Variants in CUBN observed in about 807,000 individuals in gnomAD.
The protein encoded by CUBN is 460 kDa receptor.
CUBN carries 282 observed loss-of-function variants against 405.3 expected under a neutral mutation model. The observed-to-expected ratio is 0.70, with a 90% CI of 0.63 to 0.77. The LOEUF (loss-of-function observed/expected upper bound fraction) is 0.77. Among genes scored for constraint, CUBN ranks in the 30% least tolerant of loss-of-function variants. The pLI, the probability that CUBN is intolerant of heterozygous loss-of-function variation, is 0.00. For synonymous variants in CUBN, 1,684 were observed against 1,617.0 expected (o/e 1.04, Z -0.99); for missense variants, 4,514 against 4,475.2 (o/e 1.01, Z -0.25).
intron 58 of CUBN, among the ~76,000 whole-genome samples, chr10:16,871,324 G>A (rs1840346820): frequency 6.6e-6 from 1 of 151,434 alleles, no homozygotes; most frequent in Non-Finnish European, 1.5e-5. Context: ...ACAGGCATGG[G>A]ACACCATGCC....
At position 17,019,967 on chromosome 10, in the gene CUBN, C is replaced by T. The variant is rs377486978; in HGVS notation, c.4034G>A (p.Arg1345Gln). 48 of 1,613,936 alleles carry T rather than the reference C, an allele frequency of 3.0e-5. No homozygotes were observed. Among genetic ancestry groups the T allele is most frequent in the African/African-American group, 1.1e-4 (8 of 74,876 alleles). Residue 1345 changes from arginine (R) to glutamine (Q), a missense_variant, in exon 28 of 67, where the codon CGG (arginine) becomes CAG (glutamine). Arg to Gln is a conservative substitution (Grantham distance 43). This residue lies in a region of CUBN where 242 missense variants were observed against 309.0 expected (regional missense o/e 0.78). Coordinates refer to ENST00000377833, the MANE Select transcript of CUBN (RefSeq NM_001081.4). ...TDYLELYDGPRQMGRYCGVDL... is the reference protein window; with the variant it reads ...TDYLELYDGPQQMGRYCGVDL... The stretch of plus-strand genomic sequence containing the variant: ...TACTCCACAGTAGCGTCCCATCTGC[C>T]GTGGTCCATCATAGAGCTGAAATTG...
chr10:16,928,977 T>C (rs35205794), intron 40 of CUBN, among the ~76,000 whole-genome samples: 24,201 of 140,234 alleles, frequency 0.17, 2,182 homozygotes, highest in Non-Finnish European at 0.21. Flanking sequence ...GTTACTCTGA[T>C]TGCTGAAGGT....
intron 39 of CUBN, among the ~76,000 whole-genome samples, chr10:16,934,522 C>G (rs1842447057): frequency 6.6e-6 from 1 of 152,130 alleles, no homozygotes; most frequent in African/African-American, 2.4e-5. Context: ...TATCCAGTAT[C>G]TTCAAATTTT....
At chr10:17,105,657 C>T in intron 10 of CUBN, 82 bp from the exon 11 acceptor site, 1 of 792,116 alleles carries the variant, frequency 1.3e-6, no homozygotes, top group Non-Finnish European at 2.2e-6. Context: ...AATCTGCTGT[C>T]TAGACAAGGA....
chr10:17,027,728 ATCTTT>A (rs1564486617), intron 27 of CUBN, among the ~76,000 whole-genome samples: 1 of 152,178 alleles, frequency 6.6e-6, no homozygotes, highest in African/African-American at 2.4e-5. Flanking sequence ...TATCTCCATA[ATCTTT>A]TCTTAAGTAT....
rs1554788548 is a variant in CUBN at position 16,889,942 on chromosome 10, A to AAAAAAAAAAAAAAAAAAAACAAAAC, written c.8755+428_8755+429insGTTTTGTTTTTTTTTTTTTTTTTTT. Among the ~76,000 whole-genome samples the AAAAAAAAAAAAAAAAAAAACAAAAC allele has an allele frequency of 5.2e-4, 71 of 136,300 alleles. 3 individuals are homozygous for AAAAAAAAAAAAAAAAAAAACAAAAC. Among genetic ancestry groups the AAAAAAAAAAAAAAAAAAAACAAAAC allele is most frequent in the African/African-American group, 2.0e-3 (69 of 34,122 alleles). 89.4% of individuals were successfully genotyped at this position (136,300 alleles called of 152,430 possible). On this transcript the variant is annotated intron_variant, in intron 55 of 66. Transcript: ENST00000377833. ...CAGAGTGAGACGCCGTGTCAAAAAA[A>AAAAAAAAAAAAAAAAAAAACAAAAC]AAAAAAAAAAACAGGAAAGACTTCG...
At chr10:16,999,570 T>G (rs1439361832) in intron 28 of CUBN, among the ~76,000 whole-genome samples, 2 of 152,196 alleles carry the variant, frequency 1.3e-5, no homozygotes, top group Admixed American at 6.5e-5. Flanking sequence ...AAACAAAGTT[T>G]AGTATAAAAA....
chr10:16,881,472 T>C (rs1840663916), intron 56 of CUBN, among the ~76,000 whole-genome samples: 1 of 152,358 alleles, frequency 6.6e-6, no homozygotes, highest in South Asian at 2.1e-4. Flanking sequence ...TAAATGTCTG[T>C]ATTGAACAAT....
intron 31 of CUBN, among the ~76,000 whole-genome samples, chr10:16,965,444 C>T (rs1208432413): frequency 6.6e-6 from 1 of 152,174 alleles, no homozygotes; most frequent in Non-Finnish European, 1.5e-5. Flanking sequence ...CCCCTCTCTG[C>T]TGTAATCAAA....
chr10:16,967,639 CTG>C (rs1196578616), intron 31 of CUBN, among the ~76,000 whole-genome samples: 1 of 151,756 alleles, frequency 6.6e-6, no homozygotes, highest in Non-Finnish European at 1.5e-5. Context: ...ACAAAAATTC[CTG>C]TGGTGGGGCG....
chr10:17,122,824 G>T lies in CUBN; in HGVS notation c.564C>A (p.Gly188=). Residue 188 remains glycine (G), a synonymous_variant, in exon 6 of 67, where the codon GGC becomes GGA. Transcript: ENST00000377833. ...SGTPLSCQNG[G]TCVNTMGSYS... is the part of the protein sequence containing the mutation. ...AACTTCCCATTGTATTAACACATGT[G>T]CCTCCATTCTGGCAGCTCAAGGGTG... The T allele has an allele frequency of 3.1e-6, 5 of 1,610,864 alleles. No individual in the cohort carries two copies. Among genetic ancestry groups the T allele is most frequent in the Non-Finnish European group, 4.2e-6 (5 of 1,178,040 alleles).
At chr10:16,952,178 G>A (rs1842937672) in intron 33 of CUBN, 98 bp downstream of exon 33, 3 of 836,894 alleles carry the variant, frequency 3.6e-6, no homozygotes, top group East Asian at 5.0e-5. Context: ...GAAGGCCATC[G>A]ATTGTTAGCA....
At position 17,041,601 on chromosome 10, in the gene CUBN, G is replaced by A. The variant is rs544164568; in HGVS notation, c.3830-381C>T. On this transcript the variant is annotated intron_variant, in intron 26 of 66. Transcript: ENST00000377833. ...TGTTTGTTAGAGAAGCGCATTCGAC[G>A]TTCTGTGCTGCTGTTTTTTTAATGT... Among the ~76,000 whole-genome samples the A allele has an allele frequency of 5.3e-5, 8 of 152,136 alleles. No individual in the cohort carries two copies. The East Asian group carries it at 9.7e-4, about 18-fold the overall frequency.
At chr10:17,111,863 G>T (rs1458117856) in intron 8 of CUBN, among the ~76,000 whole-genome samples, 1 of 152,248 alleles carries the variant, frequency 6.6e-6, no homozygotes, top group Non-Finnish European at 1.5e-5. Flanking sequence ...GGTGGAGGTT[G>T]CAGTGAGCCA....
At chr10:17,062,524 G>A (rs774804249) in intron 22 of CUBN, among the ~76,000 whole-genome samples, 14 of 152,194 alleles carry the variant, frequency 9.2e-5, no homozygotes, top group Non-Finnish European at 1.9e-4. Flanking sequence ...AACTTCGTAA[G>A]AGTTTTAACC....
chr10:17,113,425 CA>C (rs5783533), intron 8 of CUBN, among the ~76,000 whole-genome samples: 141,598 of 150,952 alleles, frequency 0.94, 66,419 homozygotes, highest in Non-Finnish European at 0.95. Flanking sequence ...AGGCATCCTA[CA>C]AAAAAAAAAA....
chr10:16,924,372 G>A (rs1383988691), intron 43 of CUBN, among the ~76,000 whole-genome samples: 1 of 152,080 alleles, frequency 6.6e-6, no homozygotes, highest in Non-Finnish European at 1.5e-5. Flanking sequence ...TGGTGTTCTG[G>A]ACCTTACTCA....
At position 17,067,262 on chromosome 10, in the gene CUBN, AT is replaced by A. The variant is rs1345142636; in HGVS notation, c.3008+801del. Among the ~76,000 whole-genome samples, 3 of 152,152 alleles carry A rather than the reference AT, an allele frequency of 2.0e-5. No homozygotes were observed. In the East Asian group the frequency reaches 5.8e-4, roughly 29 times the overall value. Reference sequence around the variant, plus strand: ...AAATAGCTACAACTATATCTCACAGATTTTTTAAGCTAGAGAAAAAAAATTC... The same window carrying A: ...AAATAGCTACAACTATATCTCACAGATTTTTAAGCTAGAGAAAAAAAATTC... On this transcript the variant is annotated intron_variant, in intron 21 of 66. Transcript: ENST00000377833.
intron 40 of CUBN, among the ~76,000 whole-genome samples, chr10:16,930,615 A>C (rs999356998): frequency 1.3e-5 from 2 of 152,168 alleles, no homozygotes; most frequent in African/African-American, 2.4e-5. Context: ...ATGGACTCTC[A>C]GTTTGGAGGG....
Sources: allele counts gnomAD v4.1 joint callset (sites outside exome capture counted in the v4.1 genomes callset), GRCh38; gene constraint gnomAD v4.1.1; regional missense constraint gnomAD v4.1.1; transcripts MANE v1.5; gene names NCBI Gene and HGNC (gene_info 2026-07-23, HGNC 2026-07-21).